Variants in PSTPIP2 observed in about 807,000 individuals in gnomAD.
The protein encoded by PSTPIP2 is proline-serine-threonine phosphatase-interacting protein 2.
Under a neutral mutation model 63.3 loss-of-function variants are expected in PSTPIP2, and 33 were observed. That is an observed-to-expected ratio of 0.52 (90% CI 0.40 to 0.70). The LOEUF is 0.70. Ranked by LOEUF, PSTPIP2 falls within the 30% of genes least tolerant of loss-of-function variation. The pLI, the probability that PSTPIP2 is intolerant of heterozygous loss-of-function variation, is 0.00. For synonymous variants in PSTPIP2, 125 were observed against 132.7 expected, an observed-to-expected ratio of 0.94 and a Z score of 0.40; for missense variants, 312 against 400.7, an observed-to-expected ratio of 0.78 and a Z score of 1.89.
intron 2 of PSTPIP2, chr18:46,029,228 GAT>G (rs71177699): frequency 0.76 from 870,443 of 1,150,612 alleles, 339,979 homozygotes; most frequent in South Asian, 0.84. Flanking sequence ...TTTGAAAGAA[GAT>G]AGTGAGGAGC....
intron 1 of PSTPIP2, among the ~76,000 whole-genome samples, chr18:46,067,442 G>T (rs993060691): frequency 2.0e-5 from 3 of 149,922 alleles, no homozygotes; most frequent in Admixed American, 6.7e-5. Flanking sequence ...GGCAGAGCTT[G>T]CAGTGACCCG....
chr18:46,071,578 G>C (rs1909394115), intron 1 of PSTPIP2, among the ~76,000 whole-genome samples: 1 of 152,142 alleles, frequency 6.6e-6, no homozygotes, highest in African/African-American at 2.4e-5. Flanking sequence ...GGGAAACAAG[G>C]CTGTAGAACA....
intron 12 of PSTPIP2, 133 bp downstream of exon 12, chr18:45,991,769 T>C: frequency 1.2e-6 from 1 of 838,606 alleles, no homozygotes; most frequent in South Asian, 1.9e-5. Context: ...AAATACTATT[T>C]CCAAAAAGCA....
chr18:45,992,562 C>CA (rs34243282), intron 10 of PSTPIP2, among the ~76,000 whole-genome samples: 32,018 of 124,362 alleles, frequency 0.26, 4,776 homozygotes, highest in African/African-American at 0.45. Context: ...GACTCCGTCT[C>CA]AAAAAAAAAA....
At position 46,061,218 on chromosome 18, in the gene PSTPIP2, C is replaced by T. The variant is rs537396828; in HGVS notation, c.33+10938G>A. On this transcript the variant is annotated intron_variant, in intron 1 of 14. Coordinates refer to ENST00000409746, the MANE Select transcript of PSTPIP2 (RefSeq NM_024430.4). ...ACTCAGGAGGCTGAGGCAGGAGAAT[C>T]GTTTGAACCTGGGAGGCGGAGGTTG... 7.3e-5 allele frequency among the ~76,000 whole-genome samples: 11 copies of T among 151,320 alleles called. No homozygotes were observed. In the East Asian group the frequency reaches 1.8e-3, roughly 24 times the overall value.
At chr18:46,042,083 C>A (rs1467600737) in intron 1 of PSTPIP2, among the ~76,000 whole-genome samples, 1 of 152,146 alleles carries the variant, frequency 6.6e-6, no homozygotes, top group East Asian at 1.9e-4. Flanking sequence ...CCCTAACAAG[C>A]CATTTCACCT....
chr18:46,053,054 C>T (rs1398928977), intron 1 of PSTPIP2, among the ~76,000 whole-genome samples: 3 of 152,178 alleles, frequency 2.0e-5, no homozygotes, highest in African/African-American at 7.2e-5. Context: ...CAAGTTTACA[C>T]ATCAGACTGA....
At chr18:46,061,723 G>T (rs907876232) in intron 1 of PSTPIP2, among the ~76,000 whole-genome samples, 4 of 152,206 alleles carry the variant, frequency 2.6e-5, no homozygotes, top group African/African-American at 9.7e-5. Flanking sequence ...ACAAAGGCCT[G>T]AGTCAATACT....
chr18:46,049,469 G>GT (rs1370611632), intron 1 of PSTPIP2, among the ~76,000 whole-genome samples: 2 of 150,262 alleles, frequency 1.3e-5, no homozygotes, highest in African/African-American at 2.4e-5. Context: ...TAAAATAAAA[G>GT]TTTAAAAAAA....
At chr18:46,003,491 A>G (rs1003421957) in intron 6 of PSTPIP2, among the ~76,000 whole-genome samples, 1 of 151,200 alleles carries the variant, frequency 6.6e-6, no homozygotes. Context: ...TAGAATGGTT[A>G]TTTTCTAAAG....
chr18:46,060,640 T>C (rs1908953920), intron 1 of PSTPIP2, among the ~76,000 whole-genome samples: 1 of 152,240 alleles, frequency 6.6e-6, no homozygotes, highest in Non-Finnish European at 1.5e-5. Flanking sequence ...TCAGAATCAA[T>C]CACAATTCCC....
At chr18:46,066,282 G>A (rs546884720) in intron 1 of PSTPIP2, among the ~76,000 whole-genome samples, 5 of 152,190 alleles carry the variant, frequency 3.3e-5, no homozygotes, top group South Asian at 2.1e-4. Flanking sequence ...AGCCGTGATC[G>A]CACCACTGCA....
At chr18:46,036,690 C>T (rs189459511) in intron 2 of PSTPIP2, among the ~76,000 whole-genome samples, 46 of 152,214 alleles carry the variant, frequency 3.0e-4, no homozygotes, top group Admixed American at 2.4e-3. Flanking sequence ...TGCCTGGGTA[C>T]GACCAAGGAA....
At chr18:46,023,375 G>A (rs1191467783) in intron 3 of PSTPIP2, among the ~76,000 whole-genome samples, 1 of 152,106 alleles carries the variant, frequency 6.6e-6, no homozygotes, top group Non-Finnish European at 1.5e-5. Context: ...AGCCTGACCA[G>A]CATGGAGAAA....
intron 2 of PSTPIP2, among the ~76,000 whole-genome samples, chr18:46,034,643 A>T (rs772465294): frequency 2.0e-5 from 3 of 152,174 alleles, no homozygotes; most frequent in Non-Finnish European, 4.4e-5. Flanking sequence ...TGTACCAGCT[A>T]CTGTACTGGG....
At chr18:46,035,974 T>C (rs1907959163) in intron 2 of PSTPIP2, among the ~76,000 whole-genome samples, 1 of 152,124 alleles carries the variant, frequency 6.6e-6, no homozygotes, top group Non-Finnish European at 1.5e-5. Context: ...CAGCATCACC[T>C]CTATTATTGT....
At chr18:46,043,224 TAAAAAAAAAAAAA>T (rs34454812) in intron 1 of PSTPIP2, among the ~76,000 whole-genome samples, 1 of 77,316 alleles carries the variant, frequency 1.3e-5, no homozygotes, top group African/African-American at 5.8e-5. Flanking sequence ...CACCTCTCCT[TAAAAAAAAAAAAA>T]AAAAAAAAAG....
At chr18:46,001,554 T>C (rs771462005) in intron 6 of PSTPIP2, among the ~76,000 whole-genome samples, 2 of 152,182 alleles carry the variant, frequency 1.3e-5, no homozygotes, top group Non-Finnish European at 2.9e-5. Context: ...CCACTGTAAG[T>C]GTTCAATTCA....
At chr18:46,008,674 G>A (rs1468040744) in intron 5 of PSTPIP2, among the ~76,000 whole-genome samples, 2 of 152,042 alleles carry the variant, frequency 1.3e-5, no homozygotes, top group East Asian at 1.9e-4. Flanking sequence ...TTTGGAGACC[G>A]CTCTCCACAC....
Sources: allele counts gnomAD v4.1 joint callset (sites outside exome capture counted in the v4.1 genomes callset), GRCh38; gene constraint gnomAD v4.1.1; transcripts MANE v1.5; gene names NCBI Gene and HGNC (gene_info 2026-07-23, HGNC 2026-07-21).